CERS3: variants seen among roughly 807,000 people sequenced by gnomAD.
The protein encoded by CERS3 is LAG1 homolog, ceramide synthase 3.
A neutral mutation model predicts 50.3 loss-of-function variants in CERS3; 33 were observed. That is an observed-to-expected ratio of 0.66 (90% CI 0.50 to 0.88). The LOEUF is 0.88. Among genes scored for constraint, CERS3 ranks in the 40% least tolerant of loss-of-function variants. CERS3 has a pLI of 0.00. For synonymous variants in CERS3, 176 were observed against 155.2 expected (o/e 1.13, Z -0.99); for missense variants, 470 against 460.3 (o/e 1.02, Z -0.19).
At chr15:100,467,608 T>C (rs2034789378) in intron 10 of CERS3, among the ~76,000 whole-genome samples, 2 of 151,742 alleles carry the variant, frequency 1.3e-5, no homozygotes, top group African/African-American at 2.4e-5. Flanking sequence ...CAACAGGCAA[T>C]TGGAACGTGT....
intron 11 of CERS3, among the ~76,000 whole-genome samples, chr15:100,412,056 T>G (rs1047919693): frequency 6.6e-6 from 1 of 152,224 alleles, no homozygotes; most frequent in Non-Finnish European, 1.5e-5. Context: ...TCTCTCATTT[T>G]GTGGGTTACC....
At chr15:100,442,899 A>G (rs1487821497) in intron 11 of CERS3, among the ~76,000 whole-genome samples, 1 of 151,472 alleles carries the variant, frequency 6.6e-6, no homozygotes, top group Non-Finnish European at 1.5e-5. Flanking sequence ...CCTTCTTTAC[A>G]AAGGCCTGTT....
chr15:100,457,642 T>C (rs886946374), intron 10 of CERS3, among the ~76,000 whole-genome samples: 1 of 152,228 alleles, frequency 6.6e-6, no homozygotes, highest in Non-Finnish European at 1.5e-5. Context: ...CATGCAGATA[T>C]TTATATGTGA....
intron 1 of CERS3, among the ~76,000 whole-genome samples, chr15:100,528,535 G>A (rs944966062): frequency 1.3e-5 from 2 of 152,092 alleles, no homozygotes; most frequent in African/African-American, 4.8e-5. Context: ...GTCAGGAGTG[G>A]AAGTTTGGAC....
chr15:100,464,166 C>T (rs1452700408), intron 10 of CERS3, among the ~76,000 whole-genome samples: 2 of 152,116 alleles, frequency 1.3e-5, no homozygotes, highest in East Asian at 1.9e-4. Flanking sequence ...AGGGAGAAAC[C>T]TTACAAGCAT....
chr15:100,429,788 C>A (rs1021139462), intron 11 of CERS3, among the ~76,000 whole-genome samples: 1 of 152,100 alleles, frequency 6.6e-6, no homozygotes, highest in Non-Finnish European at 1.5e-5. Context: ...GCCATCACCC[C>A]GTATTGTACA....
intron 11 of CERS3, among the ~76,000 whole-genome samples, chr15:100,406,985 C>A (rs1047768961): frequency 6.6e-6 from 1 of 152,122 alleles, no homozygotes; most frequent in Non-Finnish European, 1.5e-5. Flanking sequence ...TTGACACCAT[C>A]AGATCTTGTG....
chr15:100,423,848 G>A (rs1415616202), intron 11 of CERS3, among the ~76,000 whole-genome samples: 1 of 151,964 alleles, frequency 6.6e-6, no homozygotes, highest in African/African-American at 2.4e-5. Flanking sequence ...AGTTTCCTGA[G>A]GCCTCCCCCA....
chr15:100,513,249 C>T (rs1343943316), intron 2 of CERS3, among the ~76,000 whole-genome samples: 1 of 152,144 alleles, frequency 6.6e-6, no homozygotes, highest in African/African-American at 2.4e-5. Flanking sequence ...ATGCTCCAGG[C>T]GGCTACTGCT....
At chr15:100,506,651 T>C (rs1258431186) in intron 2 of CERS3, among the ~76,000 whole-genome samples, 2 of 152,172 alleles carry the variant, frequency 1.3e-5, no homozygotes, top group African/African-American at 2.4e-5. Context: ...TATGGATGAC[T>C]CTTGAAAAGA....
At chr15:100,476,296 TG>T in intron 7 of CERS3, 118 bp from the exon 8 acceptor site, 1 of 513,274 alleles carries the variant, frequency 1.9e-6, no homozygotes, top group Non-Finnish European at 3.5e-6. Flanking sequence ...AAAATAACAT[TG>T]ACTGATATTT....
intron 7 of CERS3, among the ~76,000 whole-genome samples, chr15:100,476,512 G>A (rs558796945): frequency 2.0e-5 from 3 of 152,096 alleles, no homozygotes; most frequent in Non-Finnish European, 4.4e-5. Flanking sequence ...GGAACAATGG[G>A]AAGTCTTTTC....
At chr15:100,407,150 GA>G (rs1343484517) in intron 11 of CERS3, among the ~76,000 whole-genome samples, 1 of 152,106 alleles carries the variant, frequency 6.6e-6, no homozygotes, top group East Asian at 1.9e-4. Flanking sequence ...TATCAGAGGG[GA>G]AACTCAAATC....
At chr15:100,467,874 GATAGAT>G (rs1555528342) in intron 10 of CERS3, among the ~76,000 whole-genome samples, 6 of 45,936 alleles carry the variant, frequency 1.3e-4, no homozygotes, top group African/African-American at 3.1e-4. Context: ...TAGATAGATA[GATAGAT>G]ATAGATATAG....
chr15:100,479,421 G>A lies in CERS3; in HGVS notation c.516+7C>T, dbSNP rs564348951. 9 of 1,597,240 alleles carry A rather than the reference G, an allele frequency of 5.6e-6. No individual in the cohort carries two copies. Among genetic ancestry groups the A allele is most frequent in the Non-Finnish European group, 7.7e-6 (9 of 1,170,014 alleles). ...GTAAGGGGAGGAATATGTTATAGTG[G>A]ACTTACCTGTTTGGGATAGCCATTC... On this transcript the variant is annotated splice_region_variant and intron_variant, in intron 7 of 11. Transcript: ENST00000679737.
At chr15:100,512,167 C>T (rs1340880036) in intron 2 of CERS3, among the ~76,000 whole-genome samples, 3 of 152,196 alleles carry the variant, frequency 2.0e-5, no homozygotes, top group Admixed American at 1.3e-4. Flanking sequence ...TTTCTTGAAG[C>T]TTGGGCCAGT....
chr15:100,417,571 A>G (rs1364067364), intron 11 of CERS3, among the ~76,000 whole-genome samples: 4 of 151,932 alleles, frequency 2.6e-5, no homozygotes, highest in Non-Finnish European at 5.9e-5. Context: ...AACTGGGTGG[A>G]GCCCACCACA....
At chr15:100,464,724 G>A (rs1483139189) in intron 10 of CERS3, among the ~76,000 whole-genome samples, 1 of 152,160 alleles carries the variant, frequency 6.6e-6, no homozygotes, top group East Asian at 1.9e-4. Flanking sequence ...ACAATAGTTG[G>A]GAATACAGTG....
chr15:100,538,480 T>G (rs1485025372), intron 1 of CERS3, among the ~76,000 whole-genome samples: 1 of 152,262 alleles, frequency 6.6e-6, no homozygotes, highest in Non-Finnish European at 1.5e-5. Flanking sequence ...CAAACCTTGA[T>G]TCTTGACTTC....
Sources: gnomAD v4.1 joint callset for allele counts (sites outside exome capture counted in the v4.1 genomes callset) on GRCh38, gnomAD v4.1.1 for gene constraint, MANE v1.5 for transcripts, NCBI Gene and HGNC (gene_info 2026-07-23, HGNC 2026-07-21) for gene names.